ZMAT4: variants seen among roughly 807,000 people sequenced by gnomAD.
The protein encoded by ZMAT4 is zinc finger matrin-type protein 4.
ZMAT4 carries 17 observed loss-of-function variants against 28.7 expected under a neutral mutation model. The observed-to-expected ratio is 0.59, with a 90% CI of 0.41 to 0.89. The LOEUF (loss-of-function observed/expected upper bound fraction) is 0.89, where lower values mean the gene tolerates loss of function less well. Ranked by LOEUF, ZMAT4 falls within the 40% of genes least tolerant of loss-of-function variation. The pLI, the probability that ZMAT4 is intolerant of heterozygous loss-of-function variation, is 0.00. For missense variants in ZMAT4, 240 were observed against 283.8 expected (o/e 0.85, Z 1.11); for synonymous variants, 117 against 109.2 (o/e 1.07, Z -0.44).
At chr8:40,829,947 C>G (rs1440435268) in intron 1 of ZMAT4, among the ~76,000 whole-genome samples, 1 of 151,692 alleles carries the variant, frequency 6.6e-6, no homozygotes, top group East Asian at 1.9e-4. Context: ...AGGGGGAAGG[C>G]AGAAAAATGC....
intron 1 of ZMAT4, among the ~76,000 whole-genome samples, chr8:40,879,164 A>G (rs1433296523): frequency 6.6e-6 from 1 of 152,124 alleles, no homozygotes; most frequent in Non-Finnish European, 1.5e-5. Flanking sequence ...GTGCGTACCT[A>G]CAATCCCAAC....
At chr8:40,673,240 T>C (rs1489377984) in intron 5 of ZMAT4, among the ~76,000 whole-genome samples, 1 of 152,184 alleles carries the variant, frequency 6.6e-6, no homozygotes, top group Non-Finnish European at 1.5e-5. Context: ...ATCAAGTATA[T>C]TCCCTTGGTG....
chr8:40,679,591 A>G (rs1446068122), intron 4 of ZMAT4, among the ~76,000 whole-genome samples: 1 of 152,174 alleles, frequency 6.6e-6, no homozygotes, highest in African/African-American at 2.4e-5. Flanking sequence ...CTCACTCACT[A>G]TCACTAGAAC....
intron 3 of ZMAT4, among the ~76,000 whole-genome samples, chr8:40,714,816 C>G (rs780642332): frequency 6.6e-6 from 1 of 152,016 alleles, no homozygotes; most frequent in African/African-American, 2.4e-5. Flanking sequence ...TTTGGGAGGC[C>G]AAGGCTGGCG....
intron 2 of ZMAT4, among the ~76,000 whole-genome samples, chr8:40,815,506 C>G (rs1009315340): frequency 2.0e-5 from 3 of 152,172 alleles, no homozygotes; most frequent in Non-Finnish European, 2.9e-5. Flanking sequence ...AAACATCCAT[C>G]TAAATAAGAC....
chr8:40,678,033 T>C (rs1352835817), intron 4 of ZMAT4, among the ~76,000 whole-genome samples: 1 of 152,166 alleles, frequency 6.6e-6, no homozygotes, highest in Non-Finnish European at 1.5e-5. Context: ...AGGATGTTTT[T>C]AAAACCTCCC....
At chr8:40,700,108 G>C (rs1041936437) in intron 3 of ZMAT4, among the ~76,000 whole-genome samples, 1 of 152,196 alleles carries the variant, frequency 6.6e-6, no homozygotes, top group Non-Finnish European at 1.5e-5. Flanking sequence ...TGCTGTGGTA[G>C]ATGAATATGA....
chr8:40,879,330 G>C (rs188946487), intron 1 of ZMAT4, among the ~76,000 whole-genome samples: 1 of 152,330 alleles, frequency 6.6e-6, no homozygotes, highest in Admixed American at 6.5e-5. Flanking sequence ...GGCTGAGGCA[G>C]AGGGAGCCCT....
Position 40,733,781 on chromosome 8 carries a change from T to G in ZMAT4, c.192+33860A>C, listed in dbSNP as rs1386856762. Among the ~76,000 whole-genome samples the G allele has an allele frequency of 2.6e-5, 4 of 152,200 alleles. 1 individual carries two copies. The highest frequency in any genetic ancestry group is 2.6e-4 in the Admixed American group (4 of 15,278). ...CTAAATTAGCAGGAATGAAGAGTTT[T>G]CTATTACTCAACAACTCTCGTTCAT... is the stretch of plus-strand genomic sequence containing the variant. On this transcript the variant is annotated intron_variant, in intron 3 of 6. Coordinates refer to ENST00000297737, the MANE Select transcript of ZMAT4 (RefSeq NM_024645.3).
chr8:40,651,720 G>A (rs1333802145), intron 5 of ZMAT4, among the ~76,000 whole-genome samples: 3 of 151,910 alleles, frequency 2.0e-5, no homozygotes, highest in Non-Finnish European at 4.4e-5. Flanking sequence ...TTTGGTACTG[G>A]TACCAAAACA....
At chr8:40,580,578 A>T (rs1804430344) in intron 6 of ZMAT4, among the ~76,000 whole-genome samples, 1 of 152,186 alleles carries the variant, frequency 6.6e-6, no homozygotes, top group Non-Finnish European at 1.5e-5. Flanking sequence ...AGTGGTTTTT[A>T]AAGAGCTGCA....
At chr8:40,848,040 G>A (rs762676521) in intron 1 of ZMAT4, among the ~76,000 whole-genome samples, 1 of 152,150 alleles carries the variant, frequency 6.6e-6, no homozygotes, top group Non-Finnish European at 1.5e-5. Context: ...AATGAGGAGC[G>A]GTTTATCTGC....
intron 4 of ZMAT4, among the ~76,000 whole-genome samples, chr8:40,676,055 A>G (rs1366859236): frequency 6.6e-6 from 1 of 152,218 alleles, no homozygotes; most frequent in Non-Finnish European, 1.5e-5. Context: ...TCTATGTATT[A>G]CAACATACAA....
At chr8:40,635,542 C>G (rs1276859286) in intron 5 of ZMAT4, among the ~76,000 whole-genome samples, 1 of 152,174 alleles carries the variant, frequency 6.6e-6, no homozygotes, top group Non-Finnish European at 1.5e-5. Flanking sequence ...TGCCCAACCT[C>G]TGATGCAAGT....
intron 6 of ZMAT4, among the ~76,000 whole-genome samples, chr8:40,547,193 G>C (rs1012315290): frequency 2.0e-5 from 3 of 152,154 alleles, no homozygotes; most frequent in African/African-American, 7.2e-5. Context: ...TCTGTGTGCG[G>C]GCAACCCAGC....
At chr8:40,689,892 C>T (rs1021987168) in intron 4 of ZMAT4, among the ~76,000 whole-genome samples, 2 of 152,032 alleles carry the variant, frequency 1.3e-5, no homozygotes, top group Non-Finnish European at 2.9e-5. Context: ...CTGAGATCAT[C>T]AACTGTCTTA....
At chr8:40,694,572 G>A (rs1314378857) in intron 4 of ZMAT4, among the ~76,000 whole-genome samples, 1 of 152,028 alleles carries the variant, frequency 6.6e-6, no homozygotes, top group Non-Finnish European at 1.5e-5. Flanking sequence ...TCCGATGCTG[G>A]TGCCATCCTC....
intron 4 of ZMAT4, among the ~76,000 whole-genome samples, chr8:40,694,753 A>T (rs999541418): frequency 1.3e-5 from 2 of 152,186 alleles, no homozygotes; most frequent in Non-Finnish European, 2.9e-5. Flanking sequence ...CCCCAAGGAT[A>T]GCCTGGAAAC....
chr8:40,685,832 G>A (rs985170928), intron 4 of ZMAT4, among the ~76,000 whole-genome samples: 4 of 152,110 alleles, frequency 2.6e-5, no homozygotes, highest in Non-Finnish European at 5.9e-5. Context: ...ACTGGATTAG[G>A]TTCCTGTCAG....
Sources: gnomAD v4.1 joint callset for allele counts (sites outside exome capture counted in the v4.1 genomes callset) on GRCh38, gnomAD v4.1.1 for gene constraint, MANE v1.5 for transcripts, NCBI Gene and HGNC (gene_info 2026-07-23, HGNC 2026-07-21) for gene names.